The following DISP2 variants were observed in gnomAD, a reference collection of about 807,000 sequenced individuals.
DISP2 encodes protein dispatched homolog 2.
DISP2 carries 59 observed loss-of-function variants against 95.5 expected under a neutral mutation model. The ratio of observed to expected loss-of-function variants is 0.62; its 90% CI spans 0.50 to 0.77. The LOEUF is 0.77. DISP2 is among the 30% of genes least tolerant of loss of function. The probability of loss-of-function intolerance (pLI) is 0.00; values close to 1 mark genes in which losing one functional copy is unlikely to be tolerated. For synonymous variants in DISP2, 827 were observed against 815.0 expected (o/e 1.01, Z -0.25); for missense variants, 1,752 against 1,854.6 (o/e 0.94, Z 1.02).
Position 40,374,014 on chromosome 15 carries a change from A to AAAAAAAAAAAAAAAATATAT in DISP2, c.*3697_*3698insAAAAAAAAAAAAAATATATA. On this transcript the variant is annotated 3_prime_UTR_variant, in exon 8 of 8. Coordinates refer to ENST00000267889, the MANE Select transcript of DISP2 (RefSeq NM_033510.3). ...GCGAGACTCCATCTTAAAAAAAAAA[A>AAAAAAAAAAAAAAAATATAT]ATATATATATATATATATGTAAACT... 1.9e-5 allele frequency: 2 copies of AAAAAAAAAAAAAAAATATAT among 104,202 alleles called. No homozygotes were observed. The highest frequency in any genetic ancestry group is 8.3e-5 in the African/African-American group (2 of 23,988). The allele number at this position is 104,202 out of a possible 1,614,324, so 6.5% of individuals were successfully genotyped here.
chr15:40,378,009 G>A lies in DISP2; in HGVS notation c.*7691G>A, dbSNP rs1277866729. The stretch of plus-strand genomic sequence containing the variant: ...AATTCAGGAATCAAGCTGTTTCTAA[G>A]TAACTGAAGTGTATCCCAGAACAAA... On this transcript the variant is annotated 3_prime_UTR_variant, in exon 8 of 8. Coordinates refer to ENST00000267889, the MANE Select transcript of DISP2 (RefSeq NM_033510.3). 1 of 152,206 alleles carries A rather than the reference G, an allele frequency of 6.6e-6. No individual in the cohort carries two copies. The highest frequency in any genetic ancestry group is 1.9e-4 in the East Asian group (1 of 5,204). The allele number at this position is 152,206 out of a possible 1,614,324, so 9.4% of individuals were successfully genotyped here.
At position 40,377,829 on chromosome 15, in the gene DISP2, G is replaced by T; in HGVS notation, c.*7511G>T. The T allele has an allele frequency of 6.6e-6, 1 of 152,646 alleles. No homozygotes were observed. Among genetic ancestry groups the T allele is most frequent in the Non-Finnish European group, 1.5e-5 (1 of 68,184 alleles). 9.5% of individuals were successfully genotyped at this position (152,646 alleles called of 1,614,324 possible). ...GTAGCCAGAAGTCACACACAGCCTGGACCACGCCTGTCCCCATCAGCCAGA... is the reference window on the plus strand; with the variant it reads ...GTAGCCAGAAGTCACACACAGCCTGTACCACGCCTGTCCCCATCAGCCAGA... On this transcript the variant is annotated 3_prime_UTR_variant, in exon 8 of 8. Transcript: ENST00000267889.
Position 40,368,300 on chromosome 15 carries a change from C to T in DISP2, c.2188C>T (p.Pro730Ser). 1 of 1,605,154 alleles carries T rather than the reference C, an allele frequency of 6.2e-7. No homozygotes were observed. The highest frequency in any genetic ancestry group is 1.1e-5 in the South Asian group (1 of 90,774). Residue 730 changes from proline (P) to serine (S), a missense_variant, in exon 8 of 8, where the codon CCC becomes TCC. Physicochemically the swap from Pro to Ser is moderately conservative, Grantham distance 74. This residue lies in a region of DISP2 where 732 missense variants were observed against 714.6 expected (regional missense o/e 1.02). Coordinates refer to ENST00000267889, the MANE Select transcript of DISP2 (RefSeq NM_033510.3). ...IAGVSPRLRL[P>S]TLPPPGGQVF... ...CGGAGTCAGCCCCCGCCTGCGGCTGCCCACGCTGCCGCCGCCCGGCGGCCA... is the reference window on the plus strand; with the variant it reads ...CGGAGTCAGCCCCCGCCTGCGGCTGTCCACGCTGCCGCCGCCCGGCGGCCA...
chr15:40,370,055 G>T lies in DISP2; in HGVS notation c.3943G>T (p.Val1315Leu), dbSNP rs1416910953. ...TGCCCGTGTACCAGATTCCGTGGGT[G>T]TGTCCCCAGATGACCTGGATGACAC... is the stretch of plus-strand genomic sequence containing the variant. ...PSARVPDSVG[V>L]SPDDLDDTGQ... is the part of the protein sequence containing the mutation. Residue 1315 changes from valine to leucine, a missense_variant, in exon 8 of 8, where the codon GTG (valine) becomes TTG (leucine). Around this residue, in one of 5 missense-constraint regions of DISP2, gnomAD observed 347 missense variants for 344.2 expected, o/e 1.01. Transcript: ENST00000267889. 1 of 1,614,086 alleles carries T rather than the reference G, an allele frequency of 6.2e-7. No individual in the cohort carries two copies. Among genetic ancestry groups the T allele is most frequent in the South Asian group, 1.1e-5 (1 of 91,090 alleles).
chr15:40,365,556 G>A (rs1387591321), intron 6 of DISP2, 72 bp from the exon 7 acceptor site: 2 of 1,541,882 alleles, frequency 1.3e-6, no homozygotes, highest in East Asian at 2.2e-5. Context: ...CCCTGGGTAA[G>A]CATCTTCCCT....
Position 40,364,535 on chromosome 15 carries a change from G to C in DISP2, c.594G>C (p.Lys198Asn). The C allele has an allele frequency of 6.2e-7, 1 of 1,613,622 alleles. No individual in the cohort carries two copies. Among genetic ancestry groups the C allele is most frequent in the Non-Finnish European group, 8.5e-7 (1 of 1,179,970 alleles). The change falls in exon 4 of 8, where the codon AAG (lysine) becomes AAC (asparagine). Residue 198 changes from lysine to asparagine, a missense_variant. Physicochemically the swap from Lys to Asn is moderately conservative, Grantham distance 94. This residue lies in a region of DISP2 where 342 missense variants were observed against 364.3 expected (regional missense o/e 0.94). Coordinates refer to ENST00000267889, the MANE Select transcript of DISP2 (RefSeq NM_033510.3). The stretch of plus-strand genomic sequence containing the variant: ...GGGCCCGGCTGCCCGACTTCTCCAA[G>C]CCTTTGCTGGTGAGGAACCAAGGGG... ...LLGARLPDFS[K>N]PLLGFEPRDT...
rs893796592 is a variant in DISP2 at position 40,373,475 on chromosome 15, A to G, written c.*3157A>G. ...TCCCAGCACTTTGGGAGGCTGAGGCAGGTGGATCACTAGACGTTAGGAGTT... is the reference window on the plus strand; with the variant it reads ...TCCCAGCACTTTGGGAGGCTGAGGCGGGTGGATCACTAGACGTTAGGAGTT... On this transcript the variant is annotated 3_prime_UTR_variant, in exon 8 of 8. Coordinates refer to ENST00000267889, the MANE Select transcript of DISP2 (RefSeq NM_033510.3). 1 of 152,216 alleles carries G rather than the reference A, an allele frequency of 6.6e-6. No individual in the cohort carries two copies. The highest frequency in any genetic ancestry group is 1.5e-5 in the Non-Finnish European group (1 of 68,082). 9.4% of individuals were successfully genotyped at this position (152,216 alleles called of 1,614,324 possible). A position where few individuals can be genotyped will look rare whatever the true frequency, so the allele number is the denominator to read the frequency against.
chr15:40,363,998 C>A (rs753826127), intron 2 of DISP2, 44 bp downstream of exon 2: 2 of 1,510,716 alleles, frequency 1.3e-6, no homozygotes, highest in African/African-American at 1.4e-5. Context: ...CTGGAAAATG[C>A]GGTGGGGCTT....
rs1260415294 is a variant in DISP2, at chr15:40,369,968, G to A, written c.3856G>A (p.Ala1286Thr). 1 of 1,612,186 alleles carries A rather than the reference G, an allele frequency of 6.2e-7. No homozygotes were observed. Among genetic ancestry groups the A allele is most frequent in the African/African-American group, 1.3e-5 (1 of 75,048 alleles). The change falls in exon 8 of 8, where the codon GCC (alanine) becomes ACC (threonine). Residue 1286 changes from alanine (A) to threonine (T), a missense_variant. Coordinates refer to ENST00000267889, the MANE Select transcript of DISP2 (RefSeq NM_033510.3). ...TCCTCCTGATGGCTTCTGTTCCTCA[G>A]CCAGCACCCTGGAGGGGCTCAGCGT... ...ADPPDGFCSS[A>T]STLEGLSVSD...
At position 40,367,094 on chromosome 15, in the gene DISP2, C is replaced by T. The variant is rs1214082441; in HGVS notation, c.982C>T (p.Arg328Trp). The T allele has an allele frequency of 7.4e-6, 12 of 1,612,558 alleles. No homozygotes were observed. Among genetic ancestry groups the T allele is most frequent in the South Asian group, 1.1e-5 (1 of 91,086 alleles). ...TACCAGCTTCGGGGCTCTGTGCCAG[C>T]GGACAGCAGCCAACCAGTGCTGCCC... is the stretch of plus-strand genomic sequence containing the variant. Reference protein sequence around the residue: ...SHTSFGALCQRTAANQCCPSW... With the variant: ...SHTSFGALCQWTAANQCCPSW... The change falls in exon 8 of 8, where the codon CGG becomes TGG. Residue 328 changes from arginine (R) to tryptophan (W), a missense_variant. Physicochemically the swap from Arg to Trp is moderately radical, Grantham distance 101 (BLOSUM62 -3). Around this residue, in one of 5 missense-constraint regions of DISP2, gnomAD observed 732 missense variants for 714.6 expected, o/e 1.02. Transcript: ENST00000267889.
In DISP2 at chr15:40,376,702, G is replaced by A. The variant is rs1889735771; in HGVS notation, c.*6384G>A. On this transcript the variant is annotated 3_prime_UTR_variant, in exon 8 of 8. Transcript: ENST00000267889. ...CGCCTGTAGACCCAGCTACTCCAGA[G>A]GCTGAAGCAAGAGGATCACTTGAAC... The A allele has an allele frequency of 6.6e-6, 1 of 152,192 alleles. No individual in the cohort carries two copies. Among genetic ancestry groups the A allele is most frequent in the South Asian group, 2.1e-4 (1 of 4,832 alleles). 9.4% of individuals were successfully genotyped at this position (152,192 alleles called of 1,614,324 possible).
chr15:40,368,588 G>A lies in DISP2; in HGVS notation c.2476G>A (p.Asp826Asn). The A allele has an allele frequency of 6.2e-7, 1 of 1,605,048 alleles. No individual in the cohort carries two copies. Among genetic ancestry groups the A allele is most frequent in the Non-Finnish European group, 8.5e-7 (1 of 1,179,920 alleles). ...CCGGGCCCGGAATCAGAGCTTCTTC[G>A]ACACCCTGCAGGAAGGCTGGCCCAC... is the stretch of plus-strand genomic sequence containing the variant. ...CHRARNQSFF[D>N]TLQEGWPTLC... The change falls in exon 8 of 8, where the codon GAC becomes AAC. Residue 826 changes from aspartate to asparagine, a missense_variant. Physicochemically the swap from Asp to Asn is conservative, Grantham distance 23. Around this residue, in one of 5 missense-constraint regions of DISP2, gnomAD observed 732 missense variants for 714.6 expected, o/e 1.02. Transcript: ENST00000267889.
rs142651190 is a variant in DISP2 at position 40,364,585 on chromosome 15, C to T, written c.603+41C>T. On this transcript the variant is annotated intron_variant, in intron 4 of 7. Coordinates refer to ENST00000267889, the MANE Select transcript of DISP2 (RefSeq NM_033510.3). ...GTGGGACGGGGTCCCCAGGCCTGGC[C>T]ACCTTGACCCAGCCTGGGGCAGAAA... 2.2e-3 allele frequency: 3,469 copies of T among 1,599,458 alleles called. 17 individuals are homozygous for T. The highest frequency in any genetic ancestry group is 6.7e-3 in the Middle Eastern group (39 of 5,802).
chr15:40,365,820 G>A (rs1404571043), intron 7 of DISP2, 95 bp downstream of exon 7: 6 of 1,222,136 alleles, frequency 4.9e-6, no homozygotes, highest in Middle Eastern at 2.4e-4. Flanking sequence ...GACTGCCAGG[G>A]GGTGGACTGG....
Position 40,368,049 on chromosome 15 carries a change from G to A in DISP2, c.1937G>A (p.Arg646His). 6.6e-7 allele frequency: 1 copy of A among 1,518,040 alleles called. No individual in the cohort carries two copies. 94.0% of individuals were successfully genotyped at this position (1,518,040 alleles called of 1,614,324 possible). A position where few individuals can be genotyped will look rare whatever the true frequency, so the allele number is the denominator to read the frequency against. Residue 646 changes from arginine (R) to histidine (H), a missense_variant, in exon 8 of 8, where the codon CGC becomes CAC. This residue lies in a region of DISP2 where 732 missense variants were observed against 714.6 expected (regional missense o/e 1.02). Transcript: ENST00000267889. Reference protein sequence around the residue: ...WLPASAVLHERYLARGCARRA... With the variant: ...WLPASAVLHEHYLARGCARRA... ...CCCGCCTCCGCCGTGCTCCACGAGC[G>A]CTACCTGGCGCGCGGCTGTGCGCGC...
chr15:40,363,100 A>C (rs780399916), intron 1 of DISP2, among the ~76,000 whole-genome samples: 11 of 151,938 alleles, frequency 7.2e-5, no homozygotes, highest in Non-Finnish European at 1.2e-4. Flanking sequence ...TGAGGAGATC[A>C]AGACCATCCT....
rs148136255 is a variant in DISP2 at position 40,369,143 on chromosome 15, G to A, written c.3031G>A (p.Glu1011Lys). 1.6e-5 allele frequency: 26 copies of A among 1,613,764 alleles called. No homozygotes were observed. The highest frequency in any genetic ancestry group is 3.3e-5 in the South Asian group (3 of 91,086). The change falls in exon 8 of 8, where the codon GAG becomes AAG. Residue 1011 changes from glutamate to lysine, a missense_variant. Glu to Lys is a moderately conservative substitution (Grantham distance 56, BLOSUM62 1). This residue lies in a region of DISP2 where 317 missense variants were observed against 394.9 expected (regional missense o/e 0.80). Coordinates refer to ENST00000267889, the MANE Select transcript of DISP2 (RefSeq NM_033510.3). ...CACTGTAGGACTCCTGGTTCTCCTC[G>A]AGTGGCAGCTCAACACTGCCGAGGC... ...LLTVGLLVLLEWQLNTAEALF... is the reference protein window; with the variant it reads ...LLTVGLLVLLKWQLNTAEALF...
In DISP2 at chr15:40,369,622, G is replaced by A; in HGVS notation, c.3510G>A (p.Arg1170=). The part of the protein sequence containing the change: ...SEQYELQPLA[R]RRSPSFDTST... ...AATATGAGCTACAGCCCCTGGCACG[G>A]CGTCGGAGCCCCAGCTTTGACACCA... The change falls in exon 8 of 8, where the codon CGG becomes CGA. Residue 1170 remains arginine (R), a synonymous_variant. Coordinates refer to ENST00000267889, the MANE Select transcript of DISP2 (RefSeq NM_033510.3). 6.2e-7 allele frequency: 1 copy of A among 1,611,536 alleles called. No individual in the cohort carries two copies. Among genetic ancestry groups the A allele is most frequent in the Admixed American group, 1.7e-5 (1 of 60,022 alleles).
chr15:40,367,670 G>T lies in DISP2; in HGVS notation c.1558G>T (p.Val520Leu). The change falls in exon 8 of 8, where the codon GTG (valine) becomes TTG (leucine). Residue 520 changes from valine to leucine, a missense_variant. By Grantham distance (32) the Val-to-Leu change is conservative. Transcript: ENST00000267889. ...CCTCACGCTCATGGTGCTGCTGGGGGTGCTGGGCTCACTGCTGGTGGCCTT... is the reference window on the plus strand; with the variant it reads ...CCTCACGCTCATGGTGCTGCTGGGGTTGCTGGGCTCACTGCTGGTGGCCTT... Reference protein sequence around the residue: ...LFLTLMVLLGVLGSLLVAFFL... With the variant: ...LFLTLMVLLGLLGSLLVAFFL... 6.2e-7 allele frequency: 1 copy of T among 1,614,022 alleles called. No individual in the cohort carries two copies. The highest frequency in any genetic ancestry group is 1.3e-5 in the African/African-American group (1 of 75,022).
Sources: gnomAD v4.1 joint callset for allele counts (sites outside exome capture counted in the v4.1 genomes callset) on GRCh38, gnomAD v4.1.1 for gene constraint, gnomAD v4.1.1 regional missense constraint, MANE v1.5 for transcripts, NCBI Gene and HGNC (gene_info 2026-07-23, HGNC 2026-07-21) for gene names.